Variants in EDIL3 observed in about 807,000 individuals in gnomAD.
EDIL3 encodes EGF like and discoidin domains 3, also known as EGF-like repeat and discoidin I-like domain-containing protein 3.
Under a neutral mutation model 67.4 loss-of-function variants are expected in EDIL3, and 37 were observed. That is an observed-to-expected ratio of 0.55 (90% CI 0.42 to 0.72). EDIL3 has a LOEUF of 0.72. Among genes scored for constraint, EDIL3 ranks in the 30% least tolerant of loss-of-function variants. EDIL3 has a pLI of 0.00. For synonymous variants in EDIL3, 195 were observed against 196.3 expected, an observed-to-expected ratio of 0.99 and a Z score of 0.05; for missense variants, 527 against 586.3, an observed-to-expected ratio of 0.90 and a Z score of 1.04.
intron 10 of EDIL3, among the ~76,000 whole-genome samples, chr5:83,954,508 C>T (rs1178803702): frequency 6.6e-6 from 1 of 151,650 alleles, no homozygotes; most frequent in Non-Finnish European, 1.5e-5. Flanking sequence ...TGCTCCCTCT[C>T]TTGCCACGTG....
chr5:83,979,097 A>G (rs1744922384), intron 9 of EDIL3, among the ~76,000 whole-genome samples: 1 of 152,126 alleles, frequency 6.6e-6, no homozygotes, highest in South Asian at 2.1e-4. Context: ...TAGAAAAATT[A>G]CAGACAAGAG....
intron 3 of EDIL3, among the ~76,000 whole-genome samples, chr5:84,220,806 T>C (rs753689606): frequency 3.9e-5 from 6 of 152,194 alleles, no homozygotes; most frequent in Non-Finnish European, 7.4e-5. Flanking sequence ...CAGAGTGATC[T>C]TGGGACTCTT....
chr5:84,141,920 TATAC>T (rs1324836091), intron 4 of EDIL3, among the ~76,000 whole-genome samples: 1 of 99,350 alleles, frequency 1.0e-5, no homozygotes, highest in Admixed American at 1.3e-4. Flanking sequence ...TATATATATA[TATAC>T]ACATATATAT....
At chr5:84,258,101 C>T (rs180891589) in intron 1 of EDIL3, among the ~76,000 whole-genome samples, 84 of 152,280 alleles carry the variant, frequency 5.5e-4, no homozygotes, top group South Asian at 1.0e-3. Flanking sequence ...AAACAACAAA[C>T]ATAATTAGGG....
intron 1 of EDIL3, 46 bp downstream of exon 1, chr5:84,384,262 C>T (rs754077570): frequency 1.9e-6 from 3 of 1,597,634 alleles, no homozygotes; most frequent in South Asian, 2.2e-5. Context: ...TCTCAGGGGA[C>T]TCCCAGCCCA....
At chr5:84,323,570 G>A (rs1746692131) in intron 1 of EDIL3, among the ~76,000 whole-genome samples, 1 of 151,870 alleles carries the variant, frequency 6.6e-6, no homozygotes, top group Admixed American at 6.6e-5. Context: ...CTCTTTATCA[G>A]TAACCACTTT....
intron 9 of EDIL3, among the ~76,000 whole-genome samples, chr5:83,971,811 C>T (rs1744798614): frequency 6.6e-6 from 1 of 152,024 alleles, no homozygotes; most frequent in Non-Finnish European, 1.5e-5. Context: ...TCTACCAATG[C>T]CCAGCAGACA....
intron 1 of EDIL3, among the ~76,000 whole-genome samples, chr5:84,361,946 C>A (rs2112201891): frequency 6.6e-6 from 1 of 152,136 alleles, no homozygotes; most frequent in Middle Eastern, 3.4e-3. Flanking sequence ...CATAAATACT[C>A]TTTGACTACA....
intron 4 of EDIL3, among the ~76,000 whole-genome samples, chr5:84,156,615 TA>T (rs1748496491): frequency 6.6e-6 from 1 of 152,218 alleles, no homozygotes; most frequent in Admixed American, 6.5e-5. Flanking sequence ...TTTGCTATCT[TA>T]AAAGGCTAAG....
At chr5:84,143,565 TC>T (rs1748242821) in intron 4 of EDIL3, among the ~76,000 whole-genome samples, 1 of 152,084 alleles carries the variant, frequency 6.6e-6, no homozygotes, top group African/African-American at 2.4e-5. Context: ...GCAATATTCA[TC>T]CCAATTATCT....
In EDIL3 at chr5:83,942,091, T is replaced by C. The variant is rs1380741439; in HGVS notation, c.*1328A>G. 6.6e-6 allele frequency: 1 copy of C among 152,032 alleles called. No homozygotes were observed. The highest frequency in any genetic ancestry group is 2.4e-5 in the African/African-American group (1 of 41,444). The allele number at this position is 152,032 out of a possible 1,614,324, so 9.4% of individuals were successfully genotyped here. On this transcript the variant is annotated 3_prime_UTR_variant, in exon 11 of 11. Coordinates refer to ENST00000296591, the MANE Select transcript of EDIL3 (RefSeq NM_005711.5). ...GTCTAAGCCTTATAAAATAAATACT[T>C]GTAAAGCTTATAAATTAGATGTTGA...
In EDIL3 at chr5:84,213,683, T is replaced by A. The variant is rs184150553; in HGVS notation, c.226+16172A>T. Among the ~76,000 whole-genome samples the A allele has an allele frequency of 5.2e-3, 788 of 152,296 alleles. 8 individuals are homozygous for A. The highest frequency in any genetic ancestry group is 0.018 in the African/African-American group (753 of 41,560). ...AGTAGATATGAAACATATCTAAATC[T>A]TGTTGAATTCTAGCAGTTGAAGATC... On this transcript the variant is annotated intron_variant, in intron 3 of 10. Coordinates refer to ENST00000296591, the MANE Select transcript of EDIL3 (RefSeq NM_005711.5).
At chr5:84,054,545 T>C (rs1358392980) in intron 9 of EDIL3, among the ~76,000 whole-genome samples, 3 of 152,116 alleles carry the variant, frequency 2.0e-5, no homozygotes, top group Non-Finnish European at 2.9e-5. Context: ...GACATGATTG[T>C]ATATCTAGAA....
At chr5:84,345,025 A>G (rs1239097229) in intron 1 of EDIL3, among the ~76,000 whole-genome samples, 3 of 152,194 alleles carry the variant, frequency 2.0e-5, no homozygotes, top group East Asian at 3.9e-4. Context: ...CGTATTTTCA[A>G]ATAAACATTT....
chr5:84,329,199 C>T (rs940903462), intron 1 of EDIL3, among the ~76,000 whole-genome samples: 2 of 152,070 alleles, frequency 1.3e-5, no homozygotes, highest in East Asian at 3.9e-4. Context: ...TCTTCTATTG[C>T]AATTGCATGG....
At chr5:84,233,728 G>A (rs1209711538) in intron 2 of EDIL3, among the ~76,000 whole-genome samples, 1 of 151,968 alleles carries the variant, frequency 6.6e-6, no homozygotes, top group African/African-American at 2.4e-5. Flanking sequence ...GTGGGGAGAG[G>A]CTCTTGGAAA....
intron 4 of EDIL3, among the ~76,000 whole-genome samples, chr5:84,162,540 A>G (rs1748632208): frequency 6.6e-6 from 1 of 152,042 alleles, no homozygotes; most frequent in Non-Finnish European, 1.5e-5. Flanking sequence ...TCCTGGGACA[A>G]TGGAAGGTTC....
intron 1 of EDIL3, among the ~76,000 whole-genome samples, chr5:84,304,201 G>C (rs1746220354): frequency 6.6e-6 from 1 of 152,100 alleles, no homozygotes. Context: ...TTGAGTAACA[G>C]GGGTGTTTCC....
intron 9 of EDIL3, among the ~76,000 whole-genome samples, chr5:84,050,412 C>T (rs558143200): frequency 2.6e-4 from 40 of 152,272 alleles, no homozygotes; most frequent in Admixed American, 6.5e-4. Flanking sequence ...GTGATTTCTG[C>T]ATTTCCAACT....
Sources: allele counts gnomAD v4.1 joint callset (sites outside exome capture counted in the v4.1 genomes callset), GRCh38; gene constraint gnomAD v4.1.1; transcripts MANE v1.5; gene names NCBI Gene and HGNC (gene_info 2026-07-23, HGNC 2026-07-21).